Variants in NPAT observed in about 807,000 individuals in gnomAD.
The protein encoded by NPAT is nuclear protein, coactivator of histone transcription.
Under a neutral mutation model 130.7 loss-of-function variants are expected in NPAT, and 52 were observed. The ratio of observed to expected loss-of-function variants is 0.40; its 90% CI spans 0.32 to 0.50. The LOEUF (loss-of-function observed/expected upper bound fraction) is 0.50. NPAT is among the 20% of genes least tolerant of loss of function. The probability of loss-of-function intolerance (pLI) is 0.68; values close to 1 mark genes in which losing one functional copy is unlikely to be tolerated. For synonymous variants in NPAT, 580 were observed against 584.8 expected (o/e 0.99, Z 0.12); for missense variants, 1,687 against 1,662.6 (o/e 1.01, Z -0.26).
chr11:108,169,638 T>C (rs981236989), intron 15 of NPAT, 106 bp downstream of exon 15: 2 of 836,648 alleles, frequency 2.4e-6, no homozygotes. Context: ...GGGTGATCAC[T>C]TGTTTTAAAA....
At chr11:108,176,425 A>C in intron 11 of NPAT, 51 bp from the exon 12 acceptor site, 2 of 1,274,698 alleles carry the variant, frequency 1.6e-6, no homozygotes, top group Non-Finnish European at 2.3e-6. Flanking sequence ...CAAAAAATAA[A>C]CATCAATGAA....
At chr11:108,194,999 T>G (rs146352366) in intron 2 of NPAT, among the ~76,000 whole-genome samples, 1,747 of 152,186 alleles carry the variant, frequency 0.011, 38 homozygotes, top group African/African-American at 0.04. Context: ...AATTTTTGTA[T>G]TTTTAGTAGA....
At chr11:108,211,625 C>T (rs947662062) in intron 1 of NPAT, among the ~76,000 whole-genome samples, 25 of 151,594 alleles carry the variant, frequency 1.6e-4, no homozygotes, top group African/African-American at 5.8e-4. Flanking sequence ...TGCACCATGA[C>T]CAAGTGGGAT....
At chr11:108,184,331 G>C (rs553031628) in intron 10 of NPAT, among the ~76,000 whole-genome samples, 1 of 152,008 alleles carries the variant, frequency 6.6e-6, no homozygotes, top group Admixed American at 6.6e-5. Context: ...AATTAGCCGG[G>C]CATGGTGGTG....
At chr11:108,220,246 CA>C (rs1481769239) in intron 1 of NPAT, among the ~76,000 whole-genome samples, 5 of 152,056 alleles carry the variant, frequency 3.3e-5, no homozygotes, top group African/African-American at 1.2e-4. Context: ...TAGTGAGATG[CA>C]AAAGTCAGAG....
rs1164224075 is a variant in NPAT, at chr11:108,189,288, T to A, written c.374A>T (p.Lys125Met). The change falls in exon 6 of 18, where the codon AAG becomes ATG. Residue 125 changes from lysine to methionine, a missense_variant. Coordinates refer to ENST00000278612, the MANE Select transcript of NPAT (RefSeq NM_002519.3). ...GGCTGGAGCTGTTTGAGATGCAAGC[T>A]TTCTCTGCCGTTTGATTTCTGCAAT... ...TGIAEIKRQR[K>M]LASQTAPASA... The A allele has an allele frequency of 6.2e-7, 1 of 1,614,202 alleles. No individual in the cohort carries two copies. The highest frequency in any genetic ancestry group is 2.2e-5 in the East Asian group (1 of 44,876).
At position 108,169,870 on chromosome 11, in the gene NPAT, A is replaced by G. The variant is rs1483778200; in HGVS notation, c.2902-18T>C. The G allele has an allele frequency of 1.9e-6, 3 of 1,610,778 alleles. No individual in the cohort carries two copies. Among genetic ancestry groups the G allele is most frequent in the South Asian group, 1.1e-5 (1 of 91,010 alleles). On this transcript the variant is annotated intron_variant, in intron 14 of 17. Transcript: ENST00000278612. The stretch of plus-strand genomic sequence containing the variant: ...TGAAGAACCTGGAAGAGAAAAAGCC[A>G]TTAATTACACTAAGCTTGAAAAGCA...
chr11:108,176,648 G>A (rs2078008919), intron 11 of NPAT, among the ~76,000 whole-genome samples: 2 of 152,098 alleles, frequency 1.3e-5, no homozygotes, highest in Non-Finnish European at 2.9e-5. Flanking sequence ...GAGAACTACT[G>A]CACTAAATCA....
At position 108,173,537 on chromosome 11, in the gene NPAT, T is replaced by A. The variant is rs968207; in HGVS notation, c.1447A>T (p.Ile483Leu). Residue 483 changes from isoleucine (I) to leucine (L), a missense_variant, in exon 13 of 18, where the codon ATA (isoleucine) becomes TTA (leucine). Coordinates refer to ENST00000278612, the MANE Select transcript of NPAT (RefSeq NM_002519.3). ...NQMSTETEMA[I>L]GIEKNSLSSN... ...GACAAAGAGTTCTTTTCAATCCCTA[T>A]AGCCATTTCAGTTTCAGTGGACATC... The A allele has an allele frequency of 2.5e-6, 4 of 1,614,102 alleles. No homozygotes were observed. In the Admixed American group the frequency reaches 6.7e-5, roughly 27 times the overall value.
In NPAT at chr11:108,169,751, A is replaced by G; in HGVS notation, c.3003T>C (p.Pro1001=). Residue 1001 remains proline, a synonymous_variant, in exon 15 of 18, where the codon CCT becomes CCC. Transcript: ENST00000278612. ...TGAAATTAAAAATGGTACCTATACA[A>G]GGCTTGTTTCTTAGTCCCTGAGCCT... The part of the protein sequence containing the change: ...SQKAQGLRNK[P]CIGKQVNNLV... 1 of 1,603,870 alleles carries G rather than the reference A, an allele frequency of 6.2e-7. No individual in the cohort carries two copies. The highest frequency in any genetic ancestry group is 8.5e-7 in the Non-Finnish European group (1 of 1,170,658).
chr11:108,179,611 A>G (rs1451232082), intron 10 of NPAT, among the ~76,000 whole-genome samples: 1 of 152,218 alleles, frequency 6.6e-6, no homozygotes, highest in African/African-American at 2.4e-5. Flanking sequence ...GTATAAAATC[A>G]TAAGGAAGGG....
chr11:108,194,193 T>C (rs2078198235), intron 2 of NPAT, among the ~76,000 whole-genome samples, 176 bp from the exon 3 acceptor site: 1 of 152,196 alleles, frequency 6.6e-6, no homozygotes, highest in African/African-American at 2.4e-5. Flanking sequence ...AGGGTTTGCA[T>C]CCAAGCTTCT....
At chr11:108,213,570 T>C (rs1034519261) in intron 1 of NPAT, among the ~76,000 whole-genome samples, 3 of 152,166 alleles carry the variant, frequency 2.0e-5, no homozygotes, top group African/African-American at 7.2e-5. Context: ...TGTTAAAAAC[T>C]CAATACTCCC....
rs758152287 is a variant in NPAT, at chr11:108,172,282, G to A, written c.2702C>T (p.Pro901Leu). ...TGGTGTCTGTAACTGAGGTGGTAGAGGTTGAGCAGTCATAGGTGCAGAATT... is the reference window on the plus strand; with the variant it reads ...TGGTGTCTGTAACTGAGGTGGTAGAAGTTGAGCAGTCATAGGTGCAGAATT... ...PGNSAPMTAQPLPPQLQTPPR... is the reference protein window; with the variant it reads ...PGNSAPMTAQLLPPQLQTPPR... Residue 901 changes from proline to leucine, a missense_variant, in exon 13 of 18, where the codon CCT becomes CTT. By Grantham distance (98) the Pro-to-Leu change is moderately conservative. Coordinates refer to ENST00000278612, the MANE Select transcript of NPAT (RefSeq NM_002519.3). The A allele has an allele frequency of 1.2e-6, 2 of 1,614,086 alleles. No homozygotes were observed. The highest frequency in any genetic ancestry group is 1.1e-5 in the South Asian group (1 of 91,078).
intron 12 of NPAT, among the ~76,000 whole-genome samples, chr11:108,174,535 T>C (rs1178065353): frequency 7.2e-6 from 1 of 137,936 alleles, no homozygotes; most frequent in Non-Finnish European, 1.6e-5. Context: ...GAGAAAAAAT[T>C]ATAAAGGAGG....
intron 1 of NPAT, among the ~76,000 whole-genome samples, chr11:108,217,363 A>G (rs2078444054): frequency 6.6e-6 from 1 of 152,104 alleles, no homozygotes; most frequent in Admixed American, 6.5e-5. Context: ...CATGTATTTC[A>G]ATGTTTAATA....
Position 108,176,338 on chromosome 11 carries a change from A to C in NPAT, c.1040T>G (p.Ile347Ser). 3 of 1,553,294 alleles carry C rather than the reference A, an allele frequency of 1.9e-6. No individual in the cohort carries two copies. Among genetic ancestry groups the C allele is most frequent in the Non-Finnish European group, 1.8e-6 (2 of 1,125,050 alleles). ...TKNNKNISQS[I>S]SSQPMESNPS... ...ATTGGATTCCATAGGTTGACTGGAA[A>C]TACTTTGTGATATATTTTTATTATT... The change falls in exon 12 of 18, where the codon ATT becomes AGT. Residue 347 changes from isoleucine to serine, a missense_variant. Ile to Ser is a moderately radical substitution (Grantham distance 142). Around this residue, in one of 3 missense-constraint regions of NPAT, gnomAD observed 1,379 missense variants for 1,346.6 expected, o/e 1.02. Coordinates refer to ENST00000278612, the MANE Select transcript of NPAT (RefSeq NM_002519.3).
chr11:108,158,626 A>G lies in NPAT; in HGVS notation c.*316T>C. 4.1e-6 allele frequency: 1 copy of G among 245,104 alleles called. No homozygotes were observed. Among genetic ancestry groups the G allele is most frequent in the South Asian group, 5.4e-5 (1 of 18,564 alleles). 15.2% of individuals were successfully genotyped at this position (245,104 alleles called of 1,614,324 possible). ...AAGTCAAAAAACACAGTGTAAGAACATTAGGTTGATTTAACCTCTATTTCA... is the reference window on the plus strand; with the variant it reads ...AAGTCAAAAAACACAGTGTAAGAACGTTAGGTTGATTTAACCTCTATTTCA... On this transcript the variant is annotated 3_prime_UTR_variant, in exon 18 of 18. Coordinates refer to ENST00000278612, the MANE Select transcript of NPAT (RefSeq NM_002519.3).
chr11:108,164,882 G>A lies in NPAT; in HGVS notation c.3011-2702C>T, dbSNP rs527339756. On this transcript the variant is annotated intron_variant, in intron 15 of 17. Transcript: ENST00000278612. ...AAAAAATAGCTGGGCATGGTGATGCGTGCCTGTAGCCCCAGCTACTCGGGA... is the reference window on the plus strand; with the variant it reads ...AAAAAATAGCTGGGCATGGTGATGCATGCCTGTAGCCCCAGCTACTCGGGA... Among the ~76,000 whole-genome samples, 15 of 152,204 alleles carry A rather than the reference G, an allele frequency of 9.9e-5. No individual in the cohort carries two copies. In the East Asian group the frequency reaches 1.9e-3, roughly 20 times the overall value.
Sources: allele counts gnomAD v4.1 joint callset (sites outside exome capture counted in the v4.1 genomes callset), GRCh38; gene constraint gnomAD v4.1.1; regional missense constraint gnomAD v4.1.1; transcripts MANE v1.5; gene names NCBI Gene and HGNC (gene_info 2026-07-23, HGNC 2026-07-21).